The following ZNF782 variants were observed in gnomAD, a reference collection of about 807,000 sequenced individuals.
ZNF782 encodes zinc finger protein 782.
ZNF782 carries 12 observed loss-of-function variants against 13.0 expected under a neutral mutation model. The ratio of observed to expected loss-of-function variants is 0.92; its 90% CI spans 0.59 to 1.50. The LOEUF (loss-of-function observed/expected upper bound fraction) is 1.50, where lower values mean the gene tolerates loss of function less well. Among genes scored for constraint, ZNF782 ranks in the 40% most tolerant of loss-of-function variants. The pLI is 0.00. For missense variants in ZNF782, 770 were observed against 822.9 expected (o/e 0.94, Z 0.79); for synonymous variants, 284 against 283.0 (o/e 1.00, Z -0.04).
chr9:96,897,621 C>T, the ZNF782 span, among the ~76,000 whole-genome samples: 2 of 151,008 alleles, frequency 1.3e-5, no homozygotes, highest in Admixed American at 6.6e-5. Context: ...TGTCTAGCCC[C>T]ATCTGAGGAT....
the ZNF782 span, chr9:96,910,096 C>T: frequency 1.6e-6 from 1 of 628,618 alleles, no homozygotes; most frequent in Non-Finnish European, 3.1e-6. Flanking sequence ...CAGCTGTAGA[C>T]ACCAGCTCTG....
rs1213668392 is a variant in ZNF782 at position 96,827,105 on chromosome 9, T to C, written c.219A>G (p.Lys73=). 1 of 1,611,892 alleles carries C rather than the reference T, an allele frequency of 6.2e-7. No individual in the cohort carries two copies. Among genetic ancestry groups the C allele is most frequent in the Admixed American group, 1.7e-5 (1 of 59,830 alleles). The change falls in exon 5 of 6, where the codon AAA becomes AAG. Residue 73 remains lysine (K), a synonymous_variant. Transcript: ENST00000481138. ...GEDPWLLEKE[K]GFLSRNSPED... is the part of the protein sequence containing the mutation. ...CTGGGGAGTTCCTGCTTAGAAATCC[T>C]TTCTCTTTCTCTAATAACCATGGAT...
intron 1 of ZNF782, among the ~76,000 whole-genome samples, chr9:96,874,175 C>T (rs1487188191): frequency 5.3e-5 from 8 of 152,138 alleles, no homozygotes; most frequent in Admixed American, 5.2e-4. Context: ...GGACCTGTGA[C>T]GGACTAAATG....
At chr9:96,932,494 A>G in the ZNF782 span, 3 of 1,170,964 alleles carry the variant, frequency 2.6e-6, no homozygotes. Flanking sequence ...AGGAGGTCAC[A>G]CTGTTCAGGG....
chr9:96,900,195 G>A, the ZNF782 span, among the ~76,000 whole-genome samples: 1 of 150,490 alleles, frequency 6.6e-6, no homozygotes, highest in East Asian at 2.0e-4. Flanking sequence ...CAAACTAACT[G>A]AGTCTAAGCC....
At chr9:96,819,952 AT>A (rs11327186) in intron 5 of ZNF782, among the ~76,000 whole-genome samples, 174 bp from the exon 6 acceptor site, 1,820 of 151,808 alleles carry the variant, frequency 0.012, 50 homozygotes, top group African/African-American at 0.041. Flanking sequence ...TTTAGCTTAA[AT>A]TTTTTTTTGT....
intron 4 of ZNF782, among the ~76,000 whole-genome samples, chr9:96,842,002 C>G (rs950109685): frequency 6.6e-6 from 1 of 151,954 alleles, no homozygotes; most frequent in Admixed American, 6.6e-5. Context: ...TCAGCAAGAT[C>G]TCAGCATAAA....
chr9:96,866,544 T>C (rs1356171764), intron 1 of ZNF782, among the ~76,000 whole-genome samples: 2 of 152,048 alleles, frequency 1.3e-5, no homozygotes, highest in Non-Finnish European at 2.9e-5. Flanking sequence ...GCTAGGGCAG[T>C]GTGGAAGGGA....
At chr9:96,880,294 A>G (rs1851947173), upstream of ZNF782, among the ~76,000 whole-genome samples, 1 of 152,012 alleles carries the variant, frequency 6.6e-6, no homozygotes, top group African/African-American at 2.4e-5. Flanking sequence ...CATTATTGTA[A>G]TGGCCAGGAT....
At chr9:96,897,990 G>C in the ZNF782 span, 2 of 151,018 alleles carry the variant, frequency 1.3e-5, no homozygotes, top group South Asian at 4.2e-4. Context: ...GGACAATAGG[G>C]ATAAAGACCA....
intron 3 of ZNF782, among the ~76,000 whole-genome samples, chr9:96,849,119 C>G (rs1033274667): frequency 4.6e-5 from 7 of 152,152 alleles, no homozygotes; most frequent in Non-Finnish European, 8.8e-5. Flanking sequence ...TTTTTGGCAC[C>G]AGGAACTGGT....
Position 96,839,660 on chromosome 9 carries a change from AC to A in ZNF782, c.142+5229del, listed in dbSNP as rs143194632. 5.9e-4 allele frequency among the ~76,000 whole-genome samples: 88 copies of A among 149,562 alleles called. 2 individuals are homozygous for A. The Middle Eastern group carries it at 0.011, about 18-fold the overall frequency. On this transcript the variant is annotated intron_variant, in intron 4 of 5. Coordinates refer to ENST00000481138, the MANE Select transcript of ZNF782 (RefSeq NM_001001662.3). ...ACTTCCATTCCTGCTCTAATCACTC[AC>A]CCCCCCCACCTGCTAAATTTTATTA... is the stretch of plus-strand genomic sequence containing the variant.
intron 5 of ZNF782, among the ~76,000 whole-genome samples, chr9:96,824,495 A>G (rs2118400151): frequency 6.6e-6 from 1 of 152,146 alleles, no homozygotes; most frequent in African/African-American, 2.4e-5. Flanking sequence ...AAACTGGCAC[A>G]AGACAAGGAT....
At chr9:96,905,787 T>C in the ZNF782 span, among the ~76,000 whole-genome samples, 5 of 152,266 alleles carry the variant, frequency 3.3e-5, no homozygotes, top group Admixed American at 6.5e-5. Context: ...GGTTTCACCA[T>C]GTTGGCCAGG....
At chr9:96,878,260 G>A (rs1343261146), upstream of ZNF782, among the ~76,000 whole-genome samples, 2 of 152,228 alleles carry the variant, frequency 1.3e-5, no homozygotes, top group Non-Finnish European at 2.9e-5. Flanking sequence ...ATGTTGGCCA[G>A]TCTGGTCTCC....
chr9:96,890,020 T>G, the ZNF782 span: 2 of 152,374 alleles, frequency 1.3e-5, no homozygotes, highest in Non-Finnish European at 2.9e-5. Context: ...CCTGGTTTTC[T>G]TGTGGAACAT....
rs899147477 is a variant in ZNF782 at position 96,819,795 on chromosome 9, TAAAC to T, written c.245-21_245-18del. Reference sequence around the variant, plus strand: ...GGGAGTCTTCTAAAAATGATAAAATTAAACAAACTTTATGATATTTAACACATTT... The same window carrying T: ...GGGAGTCTTCTAAAAATGATAAAATTAAACTTTATGATATTTAACACATTT... On this transcript the variant is annotated intron_variant, in intron 5 of 5. Coordinates refer to ENST00000481138, the MANE Select transcript of ZNF782 (RefSeq NM_001001662.3). 2 of 1,535,798 alleles carry T rather than the reference TAAAC, an allele frequency of 1.3e-6. No individual in the cohort carries two copies. The highest frequency in any genetic ancestry group is 2.8e-5 in the African/African-American group (2 of 71,658).
At chr9:96,819,930 C>T (rs1850351173) in intron 5 of ZNF782, 152 bp from the exon 6 acceptor site, 1 of 627,372 alleles carries the variant, frequency 1.6e-6, no homozygotes, top group Non-Finnish European at 2.3e-6. Flanking sequence ...TACATATTCC[C>T]CATATTCCCT....
the ZNF782 span, among the ~76,000 whole-genome samples, chr9:96,923,554 A>AGG: frequency 7.5e-6 from 1 of 133,954 alleles, no homozygotes. Flanking sequence ...CCAAATATGT[A>AGG]AACCACAGTG....
Sources: gnomAD v4.1 joint callset for allele counts (sites outside exome capture counted in the v4.1 genomes callset) on GRCh38, gnomAD v4.1.1 for gene constraint, MANE v1.5 for transcripts, NCBI Gene and HGNC (gene_info 2026-07-23, HGNC 2026-07-21) for gene names.